The following TWSG1 variants were observed in gnomAD, a reference collection of about 807,000 sequenced individuals.
TWSG1 encodes twisted gastrulation protein homolog 1.
A neutral mutation model predicts 23.0 loss-of-function variants in TWSG1; 15 were observed. The observed-to-expected ratio is 0.65, with a 90% CI of 0.44 to 1.00. TWSG1 has a LOEUF of 1.00. Ranked by LOEUF, TWSG1 falls within the 50% of genes least tolerant of loss-of-function variation. The probability of loss-of-function intolerance (pLI) is 0.00; values close to 1 mark genes in which losing one functional copy is unlikely to be tolerated. For missense variants in TWSG1, 242 were observed against 278.7 expected (o/e 0.87, Z 0.94); for synonymous variants, 86 against 92.8 (o/e 0.93, Z 0.42).
At chr18:9,391,035 G>A (rs182836781) in intron 3 of TWSG1, among the ~76,000 whole-genome samples, 4 of 152,156 alleles carry the variant, frequency 2.6e-5, no homozygotes, top group Admixed American at 2.6e-4. Context: ...ATAAAAAATT[G>A]GAGTCAATCC....
At chr18:9,367,521 C>T (rs2040585507) in intron 3 of TWSG1, among the ~76,000 whole-genome samples, 1 of 152,112 alleles carries the variant, frequency 6.6e-6, no homozygotes, top group African/African-American at 2.4e-5. Context: ...GTCCCCAACC[C>T]CTGAGCCATG....
chr18:9,351,170 A>G (rs2040500330), intron 2 of TWSG1, among the ~76,000 whole-genome samples: 1 of 152,062 alleles, frequency 6.6e-6, no homozygotes, highest in Non-Finnish European at 1.5e-5. Flanking sequence ...ACATTAATTA[A>G]ACTGGATCTT....
intron 3 of TWSG1, among the ~76,000 whole-genome samples, chr18:9,395,575 T>G (rs12327362): frequency 0.012 from 1,828 of 152,216 alleles, 36 homozygotes; most frequent in African/African-American, 0.039. Flanking sequence ...AATCCATGTT[T>G]ATTGATTGAT....
chr18:9,341,281 C>A (rs1316334984), intron 2 of TWSG1, among the ~76,000 whole-genome samples: 1 of 152,162 alleles, frequency 6.6e-6, no homozygotes, highest in Non-Finnish European at 1.5e-5. Flanking sequence ...GCTAGGTGAG[C>A]TCAAAATTTT....
At chr18:9,367,673 T>C (rs112862111) in intron 3 of TWSG1, among the ~76,000 whole-genome samples, 1 of 152,146 alleles carries the variant, frequency 6.6e-6, no homozygotes, top group Non-Finnish European at 1.5e-5. Context: ...CGAACCCTAT[T>C]GTGAACTGCA....
intron 3 of TWSG1, among the ~76,000 whole-genome samples, chr18:9,362,448 T>C (rs1475219737): frequency 6.6e-6 from 1 of 152,220 alleles, no homozygotes; most frequent in Non-Finnish European, 1.5e-5. Context: ...GCTCAAGTGA[T>C]CCACCCGCCT....
At chr18:9,339,204 CAA>C (rs72257920) in intron 2 of TWSG1, among the ~76,000 whole-genome samples, 6,896 of 141,828 alleles carry the variant, frequency 0.049, 183 homozygotes, top group Middle Eastern at 0.15. Flanking sequence ...GACCCTGTCT[CAA>C]AAAAAAAAAA....
In TWSG1 at chr18:9,351,622, G is replaced by GTTTTTTT. The variant is rs71168051; in HGVS notation, c.124-8339_124-8333dup. ...AAGAAACCCCAGTGTACCATGCTGG[G>GTTTTTTT]TTTTTTTTTTTTTTTTTGTCTTTTT... On this transcript the variant is annotated intron_variant, in intron 2 of 4. Coordinates refer to ENST00000262120, the MANE Select transcript of TWSG1 (RefSeq NM_020648.6). Among the ~76,000 whole-genome samples, 24 of 116,548 alleles carry GTTTTTTT rather than the reference G, an allele frequency of 2.1e-4. 1 individual carries two copies. The highest frequency in any genetic ancestry group is 2.8e-4 in the South Asian group (1 of 3,616). The allele number at this position is 116,548 out of a possible 152,430, so 76.5% of individuals were successfully genotyped here.
intron 3 of TWSG1, among the ~76,000 whole-genome samples, chr18:9,372,653 A>T (rs2040611308): frequency 6.6e-6 from 1 of 151,592 alleles, no homozygotes; most frequent in South Asian, 2.1e-4. Flanking sequence ...TTTTGTCATT[A>T]TAAGGTACTC....
chr18:9,373,429 G>T (rs1006898382), intron 3 of TWSG1, among the ~76,000 whole-genome samples: 1 of 152,162 alleles, frequency 6.6e-6, no homozygotes, highest in Non-Finnish European at 1.5e-5. Context: ...AGCTACTTGG[G>T]ATGCTGAGTC....
rs941414529 is a variant in TWSG1 at position 9,402,162 on chromosome 18, T to C, written c.*2635T>C. The C allele has an allele frequency of 6.6e-5, 10 of 152,184 alleles. No homozygotes were observed. The highest frequency in any genetic ancestry group is 2.9e-5 in the Non-Finnish European group (2 of 68,022). 9.4% of individuals were successfully genotyped at this position (152,184 alleles called of 1,614,324 possible). Reference sequence around the variant, plus strand: ...CCAGAAAGCAAAATTGATAAGATGTTAGAAATTTGGACCATTATTTATAAT... The same window carrying C: ...CCAGAAAGCAAAATTGATAAGATGTCAGAAATTTGGACCATTATTTATAAT... On this transcript the variant is annotated 3_prime_UTR_variant, in exon 5 of 5. Coordinates refer to ENST00000262120, the MANE Select transcript of TWSG1 (RefSeq NM_020648.6).
At chr18:9,359,601 AC>A (rs2040542814) in intron 2 of TWSG1, among the ~76,000 whole-genome samples, 1 of 152,114 alleles carries the variant, frequency 6.6e-6, no homozygotes, top group African/African-American at 2.4e-5. Context: ...ATATTGAGGA[AC>A]CCTACAAGTT....
At chr18:9,377,985 C>T (rs1373456927) in intron 3 of TWSG1, among the ~76,000 whole-genome samples, 2 of 152,244 alleles carry the variant, frequency 1.3e-5, no homozygotes, top group Non-Finnish European at 2.9e-5. Flanking sequence ...TCCCAAAGTG[C>T]TGGGATTACA....
At chr18:9,358,899 C>G (rs1271538993) in intron 2 of TWSG1, among the ~76,000 whole-genome samples, 5 of 151,872 alleles carry the variant, frequency 3.3e-5, no homozygotes, top group African/African-American at 4.8e-5. Flanking sequence ...TATCTTAAAC[C>G]AGGGAAAGCA....
chr18:9,388,755 G>A (rs998711593), intron 3 of TWSG1, among the ~76,000 whole-genome samples: 1 of 152,106 alleles, frequency 6.6e-6, no homozygotes, highest in African/African-American at 2.4e-5. Context: ...AGGGTCTCAC[G>A]AGTTACCCAG....
chr18:9,360,124 G>A, intron 3 of TWSG1, 53 bp downstream of exon 3: 1 of 1,444,346 alleles, frequency 6.9e-7, no homozygotes, highest in South Asian at 1.2e-5. Context: ...AGAATCCTTG[G>A]CTTTAAGAGA....
At chr18:9,397,167 C>T (rs2040741417) in intron 4 of TWSG1, 1 of 152,268 alleles carries the variant, frequency 6.6e-6, no homozygotes. Context: ...GTTCCTAATT[C>T]TGGTATTTAT....
At chr18:9,396,701 A>G (rs1305714646) in intron 4 of TWSG1, 155 bp downstream of exon 4, 2 of 925,698 alleles carry the variant, frequency 2.2e-6, no homozygotes. Flanking sequence ...CCCTGATCCC[A>G]TCATATCTAG....
rs1255920471 is a variant in TWSG1, at chr18:9,340,386, A to AG, written c.123+3034_123+3035insG. On this transcript the variant is annotated intron_variant, in intron 2 of 4. Coordinates refer to ENST00000262120, the MANE Select transcript of TWSG1 (RefSeq NM_020648.6). Reference sequence around the variant, plus strand: ...CCATTTCAAAAAAAAAAAAAAAAAAAAAAAGAAAAGATCTAGGGCTCAAAT... The same window carrying AG: ...CCATTTCAAAAAAAAAAAAAAAAAAAGAAAAGAAAAGATCTAGGGCTCAAAT... 4.6e-5 allele frequency among the ~76,000 whole-genome samples: 7 copies of AG among 151,408 alleles called. No homozygotes were observed. In the East Asian group the frequency reaches 5.8e-4, roughly 13 times the overall value.
Sources: gnomAD v4.1 joint callset for allele counts (sites outside exome capture counted in the v4.1 genomes callset) on GRCh38, gnomAD v4.1.1 for gene constraint, MANE v1.5 for transcripts, NCBI Gene and HGNC (gene_info 2026-07-23, HGNC 2026-07-21) for gene names.